The following MYLK2 variants were observed in gnomAD, a reference collection of about 807,000 sequenced individuals.
MYLK2 encodes myosin light chain kinase 2, skeletal/cardiac muscle.
MYLK2 carries 27 observed loss-of-function variants against 58.2 expected under a neutral mutation model. That is an observed-to-expected ratio of 0.46 (90% CI 0.34 to 0.64). MYLK2 has a LOEUF of 0.64. MYLK2 is among the 30% of genes least tolerant of loss of function. The pLI, the probability that MYLK2 is intolerant of heterozygous loss-of-function variation, is 0.01. For missense variants in MYLK2, 676 were observed against 764.3 expected, an observed-to-expected ratio of 0.88 and a Z score of 1.36; for synonymous variants, 310 against 296.7, an observed-to-expected ratio of 1.04 and a Z score of -0.46.
chr20:31,822,167 A>G (rs1490708561), intron 4 of MYLK2, among the ~76,000 whole-genome samples: 2 of 152,198 alleles, frequency 1.3e-5, no homozygotes, highest in Non-Finnish European at 2.9e-5. Context: ...AAACATATCC[A>G]GTGAAGACAG....
In MYLK2 at chr20:31,824,323, G is replaced by C. The variant is rs781485658; in HGVS notation, c.943G>C (p.Val315Leu). The C allele has an allele frequency of 1.9e-5, 31 of 1,613,236 alleles. No individual in the cohort carries two copies. Among genetic ancestry groups the C allele is most frequent in the Non-Finnish European group, 2.6e-5 (31 of 1,179,584 alleles). Residue 315 changes from valine to leucine, a missense_variant, in exon 6 of 13, where the codon GTC becomes CTC. Around this residue, in one of 2 missense-constraint regions of MYLK2, gnomAD observed 370 missense variants for 467.8 expected, o/e 0.79. Coordinates refer to ENST00000375985, the MANE Select transcript of MYLK2 (RefSeq NM_033118.4). ...CACAGGCCTCAAGCTGGCAGCCAAG[G>C]TCATCAAGAAACAGACTCCCAAAGA... ...KATGLKLAAK[V>L]IKKQTPKDKE...
At chr20:31,823,824 A>G (rs1245988485) in intron 5 of MYLK2, 1 of 562,056 alleles carries the variant, frequency 1.8e-6, no homozygotes, top group Non-Finnish European at 2.3e-6. Context: ...GGAAATACAC[A>G]GCATTTTTCT....
At chr20:31,827,033 T>C (rs2062283933) in intron 8 of MYLK2, 95 bp downstream of exon 8, 2 of 1,574,440 alleles carry the variant, frequency 1.3e-6, no homozygotes, top group Non-Finnish European at 1.7e-6. Flanking sequence ...CTCCCATCCC[T>C]CCATCTCTTC....
At chr20:31,822,117 T>C (rs968078837) in intron 4 of MYLK2, among the ~76,000 whole-genome samples, 1 of 152,018 alleles carries the variant, frequency 6.6e-6, no homozygotes. Context: ...TTTTGATAGA[T>C]GGGGAAAGGA....
At chr20:31,824,178 C>G in intron 5 of MYLK2, 81 bp from the exon 6 acceptor site, 1 of 1,557,748 alleles carries the variant, frequency 6.4e-7, no homozygotes, top group Non-Finnish European at 8.7e-7. Flanking sequence ...GGTCTGGGAC[C>G]AAGTTAGGAT....
At chr20:31,831,620 T>TCTG in intron 10 of MYLK2, 83 bp from the exon 11 acceptor site, 1 of 1,500,384 alleles carries the variant, frequency 6.7e-7, no homozygotes, top group Non-Finnish European at 9.2e-7. Flanking sequence ...CCTCCTAGGA[T>TCTG]CTGCCCCTGT....
chr20:31,825,927 A>C (rs1000791171), intron 6 of MYLK2, among the ~76,000 whole-genome samples: 3 of 152,230 alleles, frequency 2.0e-5, no homozygotes, highest in African/African-American at 7.2e-5. Flanking sequence ...TAAACTAGGA[A>C]GGCAGTGGTG....
Position 31,824,313 on chromosome 20 carries a change from G to C in MYLK2, c.933G>C (p.Leu311=), listed in dbSNP as rs146745888. 3.3e-5 allele frequency: 54 copies of C among 1,613,550 alleles called. 1 individual carries two copies. The African/African-American group carries it at 3.6e-4, about 11-fold the overall frequency. ...TCMEKATGLK[L]AAKVIKKQTP... The stretch of plus-strand genomic sequence containing the variant: ...TGGAGAAAGCCACAGGCCTCAAGCT[G>C]GCAGCCAAGGTCATCAAGAAACAGA... The change falls in exon 6 of 13, where the codon CTG becomes CTC. Residue 311 remains leucine, a synonymous_variant. Coordinates refer to ENST00000375985, the MANE Select transcript of MYLK2 (RefSeq NM_033118.4).
chr20:31,826,668 T>C lies in MYLK2; in HGVS notation c.1036T>C (p.Tyr346His). The change falls in exon 7 of 13, where the codon TAT (tyrosine) becomes CAT (histidine). Residue 346 changes from tyrosine to histidine, a missense_variant. By Grantham distance (83) the Tyr-to-His change is moderately conservative. Around this residue, in one of 2 missense-constraint regions of MYLK2, gnomAD observed 370 missense variants for 467.8 expected, o/e 0.79. Transcript: ENST00000375985. Reference protein sequence around the residue: ...QLNHRNLIQLYAAIETPHEIV... With the variant: ...QLNHRNLIQLHAAIETPHEIV... ...GAACCACCGCAATCTGATCCAGCTG[T>C]ATGCAGCCATCGAGACTCCGCATGA... 3 of 1,614,030 alleles carry C rather than the reference T, an allele frequency of 1.9e-6. No homozygotes were observed. The highest frequency in any genetic ancestry group is 2.5e-6 in the Non-Finnish European group (3 of 1,180,006).
At chr20:31,821,332 A>G in intron 3 of MYLK2, 107 bp from the exon 4 acceptor site, 2 of 1,338,826 alleles carry the variant, frequency 1.5e-6, no homozygotes, top group Non-Finnish European at 2.1e-6. Flanking sequence ...GTATTACACC[A>G]TGCATTTGGG....
chr20:31,829,453 G>C (rs1188661951), intron 8 of MYLK2, among the ~76,000 whole-genome samples: 1 of 152,114 alleles, frequency 6.6e-6, no homozygotes, highest in Non-Finnish European at 1.5e-5. Flanking sequence ...CCTGTTTTGT[G>C]GGACACCAGG....
chr20:31,834,014 G>A lies in MYLK2; in HGVS notation c.*217G>A, dbSNP rs945164671. 1.2e-4 allele frequency: 69 copies of A among 579,412 alleles called. No individual in the cohort carries two copies. In the Middle Eastern group the frequency reaches 1.4e-3, roughly 12 times the overall value. 35.9% of individuals were successfully genotyped at this position (579,412 alleles called of 1,614,324 possible). A position where few individuals can be genotyped will look rare whatever the true frequency, so the allele number is the denominator to read the frequency against. ...AGTGTGGCCTGGATCCATCCTGCTA[G>A]CACCTCCCCAGACAGGGCTCCAGCC... On this transcript the variant is annotated 3_prime_UTR_variant, in exon 13 of 13. Coordinates refer to ENST00000375985, the MANE Select transcript of MYLK2 (RefSeq NM_033118.4).
chr20:31,826,661 C>G lies in MYLK2; in HGVS notation c.1029C>G (p.Ile343Met). 9 of 1,614,074 alleles carry G rather than the reference C, an allele frequency of 5.6e-6. No homozygotes were observed. The highest frequency in any genetic ancestry group is 7.6e-6 in the Non-Finnish European group (9 of 1,180,018). The change falls in exon 7 of 13, where the codon ATC becomes ATG. Residue 343 changes from isoleucine (I) to methionine (M), a missense_variant. Physicochemically the swap from Ile to Met is conservative, Grantham distance 10. Around this residue, in one of 2 missense-constraint regions of MYLK2, gnomAD observed 370 missense variants for 467.8 expected, o/e 0.79. Coordinates refer to ENST00000375985, the MANE Select transcript of MYLK2 (RefSeq NM_033118.4). ...ACCAGCTGAACCACCGCAATCTGATCCAGCTGTATGCAGCCATCGAGACTC... is the reference window on the plus strand; with the variant it reads ...ACCAGCTGAACCACCGCAATCTGATGCAGCTGTATGCAGCCATCGAGACTC... ...VMNQLNHRNL[I>M]QLYAAIETPH...
intron 4 of MYLK2, among the ~76,000 whole-genome samples, chr20:31,822,099 G>C (rs1012774547): frequency 1.3e-5 from 2 of 152,008 alleles, no homozygotes; most frequent in Non-Finnish European, 2.9e-5. Context: ...TTTAAATTTA[G>C]TATTCCCTTT....
At chr20:31,824,162 CCA>C in intron 5 of MYLK2, 95 bp from the exon 6 acceptor site, 1 of 1,545,680 alleles carries the variant, frequency 6.5e-7, no homozygotes, top group Non-Finnish European at 8.7e-7. Context: ...TCCAGAGGCA[CCA>C]CTGGGTCTGG....
At position 31,823,558 on chromosome 20, in the gene MYLK2, T is replaced by G; in HGVS notation, c.854T>G (p.Met285Arg). ...RTGNVSSEFS[M>R]NSKEALGGGK... ...GGGAATGTCAGCAGTGAATTCAGTA[T>G]GAACTCCAAGGAGGCGCTCGGAGGG... is the stretch of plus-strand genomic sequence containing the variant. The change falls in exon 5 of 13, where the codon ATG becomes AGG. Residue 285 changes from methionine to arginine, a missense_variant. Physicochemically the swap from Met to Arg is moderately conservative, Grantham distance 91. This residue lies in a region of MYLK2 where 370 missense variants were observed against 467.8 expected (regional missense o/e 0.79). Coordinates refer to ENST00000375985, the MANE Select transcript of MYLK2 (RefSeq NM_033118.4). 2 of 1,613,982 alleles carry G rather than the reference T, an allele frequency of 1.2e-6. No individual in the cohort carries two copies. Among genetic ancestry groups the G allele is most frequent in the Non-Finnish European group, 1.7e-6 (2 of 1,180,018 alleles).
At chr20:31,824,410 G>C in intron 6 of MYLK2, 58 bp downstream of exon 6, 1 of 1,566,752 alleles carries the variant, frequency 6.4e-7, no homozygotes, top group East Asian at 2.4e-5. Context: ...CTTGGAGTGG[G>C]CACCTCTCGC....
chr20:31,822,713 C>A (rs1304460183), intron 4 of MYLK2, among the ~76,000 whole-genome samples: 1 of 152,040 alleles, frequency 6.6e-6, no homozygotes, highest in African/African-American at 2.4e-5. Flanking sequence ...GTGAGCGGCA[C>A]CGTGCCACCC....
At chr20:31,822,993 C>T (rs919549877) in intron 4 of MYLK2, among the ~76,000 whole-genome samples, 31 of 152,282 alleles carry the variant, frequency 2.0e-4, no homozygotes, top group African/African-American at 7.0e-4. Context: ...GTGGCGCCCT[C>T]TCCCCACCAA....
Sources: gnomAD v4.1 joint callset for allele counts (sites outside exome capture counted in the v4.1 genomes callset) on GRCh38, gnomAD v4.1.1 for gene constraint, gnomAD v4.1.1 regional missense constraint, MANE v1.5 for transcripts, NCBI Gene and HGNC (gene_info 2026-07-23, HGNC 2026-07-21) for gene names.